The following RPS6KA2 variants were observed in gnomAD, a reference collection of about 807,000 sequenced individuals.
RPS6KA2 encodes the protein ribosomal protein S6 kinase alpha-2.
A neutral mutation model predicts 91.8 loss-of-function variants in RPS6KA2; 42 were observed. The observed-to-expected ratio is 0.46, with a 90% CI of 0.36 to 0.59. RPS6KA2 has a LOEUF of 0.59. RPS6KA2 is among the 20% of genes least tolerant of loss of function. The pLI, the probability that RPS6KA2 is intolerant of heterozygous loss-of-function variation, is 0.00. For missense variants in RPS6KA2, 798 were observed against 978.5 expected, an observed-to-expected ratio of 0.82 and a Z score of 2.46; for synonymous variants, 414 against 393.6, an observed-to-expected ratio of 1.05 and a Z score of -0.61.
At chr6:166,472,885 G>A (rs1257382704) in intron 10 of RPS6KA2, among the ~76,000 whole-genome samples, 1 of 152,198 alleles carries the variant, frequency 6.6e-6, no homozygotes, top group Non-Finnish European at 1.5e-5. Context: ...CAGAAACTGT[G>A]AGCACAGAAG....
chr6:166,766,051 C>T (rs1778303013), intron 2 of RPS6KA2, among the ~76,000 whole-genome samples: 1 of 152,206 alleles, frequency 6.6e-6, no homozygotes. Context: ...CCAAACAAAA[C>T]ATTCCCTTTG....
intron 2 of RPS6KA2, among the ~76,000 whole-genome samples, chr6:166,751,056 C>T (rs533440740): frequency 2.6e-5 from 4 of 152,204 alleles, no homozygotes; most frequent in Non-Finnish European, 5.9e-5. Context: ...CAGCACCTCA[C>T]AAAGTTTATA....
intron 2 of RPS6KA2, among the ~76,000 whole-genome samples, chr6:166,633,209 G>A (rs751231580): frequency 1.4e-4 from 22 of 152,214 alleles, no homozygotes; most frequent in Non-Finnish European, 2.4e-4. Flanking sequence ...AACAGAGTGA[G>A]AGCCCATCTC....
intron 1 of RPS6KA2, among the ~76,000 whole-genome samples, chr6:166,587,027 C>A (rs1423276886): frequency 6.6e-6 from 1 of 152,238 alleles, no homozygotes; most frequent in Non-Finnish European, 1.5e-5. Flanking sequence ...TCTTTCCCCC[C>A]ACAGCTAACT....
chr6:166,799,328 C>T (rs1406084971), intron 2 of RPS6KA2, among the ~76,000 whole-genome samples: 1 of 152,082 alleles, frequency 6.6e-6, no homozygotes, highest in East Asian at 1.9e-4. Flanking sequence ...CAATTGTATA[C>T]TACTAATAAT....
rs1469768285 is a variant in RPS6KA2 at position 166,445,969 on chromosome 6, A to T, written c.1332+2755T>A. On this transcript the variant is annotated intron_variant, in intron 14 of 20. Coordinates refer to ENST00000265678, the MANE Select transcript of RPS6KA2 (RefSeq NM_021135.6). The surrounding 1 kb of genome is among the most constrained non-coding windows in gnomAD (Gnocchi z 4.5). ...ACCGAACTTTGCTGTTTCTTAGTCC[A>T]TCAATAGGTGGGGATGCTGCTTCTC... Among the ~76,000 whole-genome samples the T allele has an allele frequency of 1.3e-5, 2 of 152,186 alleles. No individual in the cohort carries two copies. Among genetic ancestry groups the T allele is most frequent in the Admixed American group, 1.3e-4 (2 of 15,286 alleles).
chr6:166,612,995 G>A lies in RPS6KA2; in HGVS notation c.99+13926C>T, dbSNP rs1786242178. 6.6e-6 allele frequency among the ~76,000 whole-genome samples: 1 copy of A among 152,218 alleles called. No homozygotes were observed. Among genetic ancestry groups the A allele is most frequent in the African/African-American group, 2.4e-5 (1 of 41,456 alleles). On this transcript the variant is annotated intron_variant, in intron 1 of 20. Transcript: ENST00000265678. This position sits in a 1 kb window ranked among gnomAD's most constrained non-coding sequence, Gnocchi z 4.3. ...TGAGCAGTGTTTCCCGGACCTCCCA[G>A]AGAAAGCTGACCCAGAGGACACGGA...
At chr6:166,581,437 G>A (rs144064561) in intron 1 of RPS6KA2, among the ~76,000 whole-genome samples, 6 of 152,140 alleles carry the variant, frequency 3.9e-5, no homozygotes, top group Admixed American at 6.5e-5. Context: ...CTGACGCCCC[G>A]CTCAGCCCTT....
chr6:166,773,413 T>A (rs1246729614), intron 2 of RPS6KA2, among the ~76,000 whole-genome samples: 1 of 152,106 alleles, frequency 6.6e-6, no homozygotes, highest in Non-Finnish European at 1.5e-5. Context: ...TTTGTTTTGT[T>A]GTTTTTGAGG....
chr6:166,566,034 TAAAG>T (rs1472629352), intron 1 of RPS6KA2, among the ~76,000 whole-genome samples: 2 of 152,262 alleles, frequency 1.3e-5, no homozygotes, highest in South Asian at 2.1e-4. Context: ...GGGATAGAAA[TAAAG>T]AATGGGAAGA....
chr6:166,476,371 C>T (rs1272264859), intron 10 of RPS6KA2, among the ~76,000 whole-genome samples: 2 of 152,140 alleles, frequency 1.3e-5, no homozygotes, highest in African/African-American at 4.8e-5. Flanking sequence ...TCAAGGCTGC[C>T]CCAAGAAACT....
chr6:166,832,560 C>T (rs1253355267), intron 2 of RPS6KA2, among the ~76,000 whole-genome samples: 4 of 152,170 alleles, frequency 2.6e-5, no homozygotes, highest in Admixed American at 2.0e-4. Context: ...GGTAAGTCCG[C>T]TCATGTCAAG....
intron 2 of RPS6KA2, among the ~76,000 whole-genome samples, chr6:166,723,156 C>T (rs1242547975): frequency 6.6e-6 from 1 of 152,232 alleles, no homozygotes; most frequent in East Asian, 1.9e-4. Flanking sequence ...GAAGGCTGGG[C>T]TGGGGCTGGC....
chr6:166,504,622 A>G lies in RPS6KA2; in HGVS notation c.460-10T>C. 6.3e-7 allele frequency: 1 copy of G among 1,585,102 alleles called. No individual in the cohort carries two copies. Among genetic ancestry groups the G allele is most frequent in the African/African-American group, 1.4e-5 (1 of 73,186 alleles). On this transcript the variant is annotated splice_polypyrimidine_tract_variant and intron_variant, in intron 5 of 20. Transcript: ENST00000265678. ...CCTCCGTGAACATGACCTAGTAAGA[A>G]AAAAACAAAAACAAAAACAAAAAAC...
At chr6:166,616,942 G>A (rs112383185) in intron 1 of RPS6KA2, among the ~76,000 whole-genome samples, 304 of 152,360 alleles carry the variant, frequency 2.0e-3, no homozygotes, top group African/African-American at 7.0e-3. Context: ...AAGAGGAAGA[G>A]GAACAAATGA....
At chr6:166,769,412 G>T (rs1364447803) in intron 2 of RPS6KA2, among the ~76,000 whole-genome samples, 1 of 152,154 alleles carries the variant, frequency 6.6e-6, no homozygotes, top group Non-Finnish European at 1.5e-5. Context: ...AGGAATAGAA[G>T]ACGGTGTTCC....
At chr6:166,772,226 G>C (rs1249175910) in intron 2 of RPS6KA2, among the ~76,000 whole-genome samples, 2 of 152,206 alleles carry the variant, frequency 1.3e-5, no homozygotes, top group East Asian at 3.9e-4. Context: ...GTTCCATGGA[G>C]TCCAGGTGGG....
chr6:166,451,119 A>C lies in RPS6KA2; in HGVS notation c.1190T>G (p.Val397Gly), dbSNP rs760026527. The C allele has an allele frequency of 4.3e-6, 7 of 1,614,078 alleles. No homozygotes were observed. Among genetic ancestry groups the C allele is most frequent in the Non-Finnish European group, 5.9e-6 (7 of 1,179,974 alleles). ...PSQQDLHKVP[V>G]HPIVQQLHGN... is the part of the protein sequence containing the mutation. ...CACAGTTACCTGCACGATTGGGTGA[A>C]CTGGGACTTTGTGCAGATCTTGCTG... The change falls in exon 13 of 21, where the codon GTT (valine) becomes GGT (glycine). Residue 397 changes from valine to glycine, a missense_variant. By Grantham distance (109) the Val-to-Gly change is moderately radical. Transcript: ENST00000265678.
chr6:166,783,201 G>T (rs1041579675), intron 2 of RPS6KA2, among the ~76,000 whole-genome samples: 2 of 151,418 alleles, frequency 1.3e-5, no homozygotes, highest in African/African-American at 4.9e-5. Context: ...CAATCCTCCC[G>T]CCTCAGCCTT....
Sources: gnomAD v4.1 joint callset for allele counts (sites outside exome capture counted in the v4.1 genomes callset) on GRCh38, gnomAD v4.1.1 for gene constraint, Gnocchi (gnomAD v3.1) non-coding constraint, MANE v1.5 for transcripts, NCBI Gene and HGNC (gene_info 2026-07-23, HGNC 2026-07-21) for gene names.